The following ZFHX3 variants were observed in gnomAD, a reference collection of about 807,000 sequenced individuals.
ZFHX3 encodes the protein zinc finger homeobox 3.
Under a neutral mutation model 279.1 loss-of-function variants are expected in ZFHX3, and 42 were observed. The observed-to-expected ratio is 0.15, with a 90% CI of 0.12 to 0.19. The LOEUF is 0.19. Ranked by LOEUF, ZFHX3 falls within the 10% of genes least tolerant of loss-of-function variation. The probability of loss-of-function intolerance (pLI) is 1.00; values close to 1 mark genes in which losing one functional copy is unlikely to be tolerated. For synonymous variants in ZFHX3, 2,293 were observed against 1,957.8 expected (o/e 1.17, Z -4.52); for missense variants, 4,981 against 4,754.0 (o/e 1.05, Z -1.40).
chr16:73,528,616 A>G (rs969499840), intron 2 of ZFHX3, among the ~76,000 whole-genome samples: 2 of 152,236 alleles, frequency 1.3e-5, no homozygotes, highest in Non-Finnish European at 2.9e-5. Context: ...GGGAGAATTC[A>G]GCTGTCTGGG....
intron 1 of ZFHX3, among the ~76,000 whole-genome samples, chr16:72,976,241 C>A (rs1392480202): frequency 6.6e-6 from 1 of 152,228 alleles, no homozygotes; most frequent in African/African-American, 2.4e-5. Context: ...CAGTTCTAAT[C>A]TTGGACAGCG....
Position 72,786,555 on chromosome 16 carries a change from G to C in ZFHX3, c.*609C>G, listed in dbSNP as rs1597218761. ...TTGAATACTTTCTGCCCATTTTTAA[G>C]TTAACAAAACAAAAAATCTTTTCTG... On this transcript the variant is annotated 3_prime_UTR_variant, in exon 10 of 10. Coordinates refer to ENST00000268489, the MANE Select transcript of ZFHX3 (RefSeq NM_006885.4). 2.6e-5 allele frequency: 3 copies of C among 117,148 alleles called. No individual in the cohort carries two copies. In the Admixed American group the frequency reaches 2.8e-4, roughly 11 times the overall value. The allele number at this position is 117,148 out of a possible 1,614,324, so 7.3% of individuals were successfully genotyped here.
At position 73,582,931 on chromosome 16, in the gene ZFHX3, C is replaced by T. The variant is rs114760226; in HGVS notation, c.-1547+97249G>A. 1.0e-3 allele frequency among the ~76,000 whole-genome samples: 149 copies of T among 149,702 alleles called. 8 individuals are homozygous for T. The highest frequency in any genetic ancestry group is 3.7e-3 in the African/African-American group (144 of 39,188). On this transcript the variant is annotated intron_variant, in intron 2 of 17. Coordinates refer to the ZFHX3 transcript ENST00000641206. ...CAAGTAGTAACAACCTTGTGAAGCT[C>T]TGGTCATTGTTGTACTGCCTTGTTT...
At chr16:72,941,471 C>T (rs932828625) in intron 3 of ZFHX3, among the ~76,000 whole-genome samples, 2 of 152,130 alleles carry the variant, frequency 1.3e-5, no homozygotes, top group African/African-American at 4.8e-5. Flanking sequence ...AGCTGCTAAA[C>T]AAAACACGGG....
intron 5 of ZFHX3, among the ~76,000 whole-genome samples, chr16:73,198,282 T>TGTAA (rs1225453200): frequency 4.6e-5 from 7 of 151,806 alleles, no homozygotes; most frequent in Admixed American, 4.6e-4. Context: ...TCACAAAGAC[T>TGTAA]GTAAGTCTTT....
chr16:72,980,380 C>T (rs532393218), intron 1 of ZFHX3, among the ~76,000 whole-genome samples: 1 of 152,244 alleles, frequency 6.6e-6, no homozygotes, highest in East Asian at 1.9e-4. Flanking sequence ...GTATGGATGC[C>T]AGTTCTAACC....
intron 3 of ZFHX3, among the ~76,000 whole-genome samples, chr16:72,909,629 C>A (rs1457293702): frequency 6.6e-6 from 1 of 152,128 alleles, no homozygotes; most frequent in East Asian, 1.9e-4. Context: ...ATAATCCCAG[C>A]ACTTTGGGAG....
chr16:73,078,767 C>A (rs2144763401), intron 8 of ZFHX3, among the ~76,000 whole-genome samples: 1 of 152,104 alleles, frequency 6.6e-6, no homozygotes, highest in South Asian at 2.1e-4. Flanking sequence ...GCCTTAGCGT[C>A]CCGAGTAGCT....
chr16:73,111,264 G>A (rs903367125), intron 7 of ZFHX3, among the ~76,000 whole-genome samples: 3 of 152,028 alleles, frequency 2.0e-5, no homozygotes, highest in African/African-American at 7.2e-5. Context: ...TATCCTATTC[G>A]ATTCTGCTTT....
chr16:73,550,905 TA>T (rs2020193992), intron 2 of ZFHX3, among the ~76,000 whole-genome samples: 2 of 152,312 alleles, frequency 1.3e-5, no homozygotes, highest in South Asian at 4.1e-4. Context: ...AATAGGAATC[TA>T]AAGCTAATTG....
At chr16:73,388,348 C>T (rs1295616302) in intron 3 of ZFHX3, among the ~76,000 whole-genome samples, 1 of 152,108 alleles carries the variant, frequency 6.6e-6, no homozygotes, top group African/African-American at 2.4e-5. Flanking sequence ...TCAGACAGCA[C>T]CAAAGGGTAA....
At chr16:72,928,437 C>G (rs1363560259) in intron 3 of ZFHX3, among the ~76,000 whole-genome samples, 1 of 152,004 alleles carries the variant, frequency 6.6e-6, no homozygotes, top group African/African-American at 2.4e-5. Flanking sequence ...CCCACCACAA[C>G]CCCTCGGCCC....
At chr16:73,573,475 G>C (rs2051762690) in intron 2 of ZFHX3, among the ~76,000 whole-genome samples, 1 of 152,320 alleles carries the variant, frequency 6.6e-6, no homozygotes, top group Non-Finnish European at 1.5e-5. Flanking sequence ...AAAAAAAAGA[G>C]GACGGAACTA....
At chr16:73,287,451 G>GGTAA (rs2014646828) in intron 4 of ZFHX3, among the ~76,000 whole-genome samples, 1 of 142,104 alleles carries the variant, frequency 7.0e-6, no homozygotes, top group Non-Finnish European at 1.5e-5. Context: ...GTGGGTGGTG[G>GGTAA]GTGTGTGGCT....
chr16:72,901,158 C>T (rs528087268), intron 3 of ZFHX3, among the ~76,000 whole-genome samples: 53 of 152,312 alleles, frequency 3.5e-4, no homozygotes, highest in African/African-American at 3.1e-4. Flanking sequence ...TCGCTGGCAG[C>T]GTGGCTCTTG....
Position 72,787,920 on chromosome 16 carries a change from G to C in ZFHX3, c.10356C>G (p.Leu3452=), listed in dbSNP as rs762453378. The change falls in exon 10 of 10, where the codon CTC becomes CTG. Residue 3452 remains leucine, a synonymous_variant. Transcript: ENST00000268489. ...CCTTTGGAACAATGAAGGGGTCGTA[G>C]AGGGAGTCCGCACTTTTGCTTTCTG... The part of the protein sequence containing the change: ...PEAESKSADS[L]YDPFIVPKVQ... The C allele has an allele frequency of 2.5e-6, 4 of 1,614,026 alleles. No homozygotes were observed. Among genetic ancestry groups the C allele is most frequent in the South Asian group, 1.1e-5 (1 of 91,086 alleles).
chr16:72,998,610 C>T (rs1963377005), intron 1 of ZFHX3, among the ~76,000 whole-genome samples: 1 of 152,198 alleles, frequency 6.6e-6, no homozygotes, highest in African/African-American at 2.4e-5. Context: ...AGCCACATTT[C>T]GGGTGCTTAG....
At chr16:73,131,041 A>G (rs1424210090) in exon 7 of ZFHX3, 2 of 1,273,788 alleles carry the variant, frequency 1.6e-6, no homozygotes, top group South Asian at 2.5e-5. Context: ...GCTCCAATCC[A>G]GGTCCTGTCC....
Position 73,774,610 on chromosome 16 carries a change from A to G in ZFHX3, c.-1607-94370T>C, listed in dbSNP as rs188990425. On this transcript the variant is annotated intron_variant, in intron 1 of 17. Transcript: ENST00000641206. The stretch of plus-strand genomic sequence containing the variant: ...CTATGCACCCCCCAAAGATGGTGCC[A>G]TTTGTAAGGCAAATAGTTATGCACC... Among the ~76,000 whole-genome samples, 180 of 152,354 alleles carry G rather than the reference A, an allele frequency of 1.2e-3. 1 individual carries two copies. The highest frequency in any genetic ancestry group is 4.0e-3 in the African/African-American group (165 of 41,594).
Sources: allele counts gnomAD v4.1 joint callset (sites outside exome capture counted in the v4.1 genomes callset), GRCh38; gene constraint gnomAD v4.1.1; transcripts MANE v1.5; gene names NCBI Gene and HGNC (gene_info 2026-07-23, HGNC 2026-07-21).